Variants in ASIC2 observed in about 807,000 individuals in gnomAD.
The protein encoded by ASIC2 is acid sensing ion channel subunit 2, also known as acid-sensing ion channel 2.
Under a neutral mutation model 57.3 loss-of-function variants are expected in ASIC2, and 25 were observed. That is an observed-to-expected ratio of 0.44 (90% CI 0.32 to 0.61). The LOEUF is 0.61. Among genes scored for constraint, ASIC2 ranks in the 20% least tolerant of loss-of-function variants. The probability of loss-of-function intolerance (pLI) is 0.06; values close to 1 mark genes in which losing one functional copy is unlikely to be tolerated. For synonymous variants in ASIC2, 319 were observed against 307.5 expected (o/e 1.04, Z -0.39); for missense variants, 641 against 738.1 (o/e 0.87, Z 1.52).
At chr17:33,339,551 TG>T (rs1379083516) in intron 1 of ASIC2, among the ~76,000 whole-genome samples, 1 of 152,234 alleles carries the variant, frequency 6.6e-6, no homozygotes, top group Non-Finnish European at 1.5e-5. Flanking sequence ...AAAGTCACTT[TG>T]GCAATTTATG....
intron 1 of ASIC2, among the ~76,000 whole-genome samples, chr17:33,920,104 C>T (rs925852971): frequency 6.6e-6 from 1 of 152,160 alleles, no homozygotes. Context: ...CTGTGGCAAG[C>T]AGTTTGGAGA....
chr17:33,938,201 C>T (rs539239116), intron 1 of ASIC2, among the ~76,000 whole-genome samples: 37 of 152,192 alleles, frequency 2.4e-4, no homozygotes, highest in East Asian at 2.1e-3. Context: ...ATGCCCTAAA[C>T]GGGACAAAAA....
chr17:33,275,152 C>T (rs919974889), intron 1 of ASIC2, among the ~76,000 whole-genome samples: 11 of 152,122 alleles, frequency 7.2e-5, no homozygotes, highest in African/African-American at 1.7e-4. Context: ...TATTAGCAAG[C>T]CTGTCCCTGC....
intron 1 of ASIC2, among the ~76,000 whole-genome samples, chr17:33,864,290 G>A (rs1004957664): frequency 6.6e-6 from 1 of 151,996 alleles, no homozygotes; most frequent in Non-Finnish European, 1.5e-5. Context: ...TATTTATGGG[G>A]AAAAAAAGTC....
chr17:33,201,675 G>T (rs1023943589), intron 1 of ASIC2, among the ~76,000 whole-genome samples: 1 of 152,184 alleles, frequency 6.6e-6, no homozygotes, highest in African/African-American at 2.4e-5. Flanking sequence ...CTATAGAGTA[G>T]CCCTGCTCGG....
At chr17:33,193,067 A>G (rs1181288905) in intron 1 of ASIC2, among the ~76,000 whole-genome samples, 1 of 152,200 alleles carries the variant, frequency 6.6e-6, no homozygotes. Flanking sequence ...AACCTACTTG[A>G]TAGAACTAAC....
intron 1 of ASIC2, among the ~76,000 whole-genome samples, chr17:34,059,200 A>T (rs1243942302): frequency 6.6e-6 from 1 of 152,206 alleles, no homozygotes; most frequent in African/African-American, 2.4e-5. Context: ...CGGAAATGAA[A>T]AAGGGAGACC....
At chr17:33,974,466 G>A (rs1007821038) in intron 1 of ASIC2, among the ~76,000 whole-genome samples, 15 of 152,050 alleles carry the variant, frequency 9.9e-5, no homozygotes, top group African/African-American at 3.6e-4. Flanking sequence ...CCTCCATCTG[G>A]CGGCATGCAG....
intron 3 of ASIC2, among the ~76,000 whole-genome samples, chr17:33,075,158 A>G (rs2092084474): frequency 1.3e-5 from 2 of 152,140 alleles, no homozygotes; most frequent in African/African-American, 4.8e-5. Context: ...GGTTTCCTCC[A>G]TACTGTTCTC....
intron 1 of ASIC2, among the ~76,000 whole-genome samples, chr17:33,726,130 C>A (rs981285298): frequency 1.3e-5 from 2 of 152,150 alleles, no homozygotes; most frequent in African/African-American, 4.8e-5. Context: ...GAATTTTGTG[C>A]TCTTTGGGAC....
chr17:33,777,454 G>A (rs1911319599), intron 1 of ASIC2, among the ~76,000 whole-genome samples: 1 of 152,160 alleles, frequency 6.6e-6, no homozygotes, highest in African/African-American at 2.4e-5. Flanking sequence ...TAATATGATT[G>A]ATGTGATACA....
rs147650705 is a variant in ASIC2, at chr17:34,068,673, A to G, written c.555+87305T>C. Among the ~76,000 whole-genome samples the G allele has an allele frequency of 4.9e-3, 745 of 152,322 alleles. 30 individuals are homozygous for G. The highest frequency in any genetic ancestry group is 0.044 in the Admixed American group (678 of 15,300). ...CTGTCTAGACTCTGGCATTCTTCCA[A>G]TAGTGTTTCTTATGAGAATGTTCAT... On this transcript the variant is annotated intron_variant, in intron 1 of 9. Transcript: ENST00000359872.
Position 33,732,607 on chromosome 17 carries a change from C to T in ASIC2, c.555+423371G>A, listed in dbSNP as rs922279332. On this transcript the variant is annotated intron_variant, in intron 1 of 9. Coordinates refer to the ASIC2 transcript ENST00000359872. Reference sequence around the variant, plus strand: ...TCCGCCCCCGGATTCATGCCATTCTCCTGCCTCAGCCTCCTGAATTTTTTT... The same window carrying T: ...TCCGCCCCCGGATTCATGCCATTCTTCTGCCTCAGCCTCCTGAATTTTTTT... Among the ~76,000 whole-genome samples, 7 of 151,618 alleles carry T rather than the reference C, an allele frequency of 4.6e-5. No homozygotes were observed. The South Asian group carries it at 1.3e-3, about 27-fold the overall frequency.
chr17:33,339,602 C>G (rs146725937), intron 1 of ASIC2, among the ~76,000 whole-genome samples: 1 of 152,150 alleles, frequency 6.6e-6, no homozygotes, highest in African/African-American at 2.4e-5. Context: ...AGAAAGGGCC[C>G]GGCACGGTGT....
intron 1 of ASIC2, among the ~76,000 whole-genome samples, chr17:34,057,663 C>T (rs1481682592): frequency 1.3e-5 from 2 of 151,960 alleles, no homozygotes; most frequent in South Asian, 2.1e-4. Context: ...AAAAAGAGGG[C>T]GAGGCACAGA....
chr17:33,955,715 T>A (rs1016272204), intron 1 of ASIC2, among the ~76,000 whole-genome samples: 1 of 152,174 alleles, frequency 6.6e-6, no homozygotes, highest in East Asian at 1.9e-4. Context: ...CCAATCAGCA[T>A]CTCCCTCTCA....
At chr17:33,028,468 C>G in intron 3 of ASIC2, 76 bp from the exon 4 acceptor site, 1 of 1,544,074 alleles carries the variant, frequency 6.5e-7, no homozygotes. Flanking sequence ...ACTCAATCAA[C>G]AAACAATTAT....
chr17:33,124,367 A>G (rs1597589740), intron 1 of ASIC2, among the ~76,000 whole-genome samples: 2 of 152,232 alleles, frequency 1.3e-5, no homozygotes, highest in African/African-American at 4.8e-5. Context: ...GCTGGGAGAT[A>G]CACAGCATGC....
intron 2 of ASIC2, 157 bp downstream of exon 2, chr17:33,111,760 C>T: frequency 9.1e-7 from 1 of 1,102,808 alleles, no homozygotes; most frequent in Non-Finnish European, 1.2e-6. Context: ...CATCCCAGCC[C>T]AAGCCAGGGA....
Sources: allele counts gnomAD v4.1 joint callset (sites outside exome capture counted in the v4.1 genomes callset), GRCh38; gene constraint gnomAD v4.1.1; transcripts MANE v1.5; gene names NCBI Gene and HGNC (gene_info 2026-07-23, HGNC 2026-07-21).